MED31: variants seen among roughly 807,000 people sequenced by gnomAD.
MED31 encodes the protein mediator of RNA polymerase II transcription subunit 31.
Under a neutral mutation model 22.0 loss-of-function variants are expected in MED31, and 11 were observed. The observed-to-expected ratio is 0.50, with a 90% CI of 0.31 to 0.83. MED31 has a LOEUF of 0.83. Ranked by LOEUF, MED31 falls within the 40% of genes least tolerant of loss-of-function variation. The probability of loss-of-function intolerance (pLI) is 0.04; values close to 1 mark genes in which losing one functional copy is unlikely to be tolerated. For synonymous variants in MED31, 60 were observed against 55.1 expected, an observed-to-expected ratio of 1.09 and a Z score of -0.40; for missense variants, 122 against 155.3, an observed-to-expected ratio of 0.79 and a Z score of 1.14.
At position 6,651,567 on chromosome 17, in the gene MED31, G is replaced by C; in HGVS notation, c.-39C>G. ...ACCAAAACGCCACCAGCCTGACAGA[G>C]CAAAAGCCCAGAGACGCGGGCGAAG... On this transcript the variant is annotated 5_prime_UTR_variant, in exon 1 of 4. Transcript: ENST00000225728. The C allele has an allele frequency of 6.2e-7, 1 of 1,613,628 alleles. No homozygotes were observed. Among genetic ancestry groups the C allele is most frequent in the African/African-American group, 1.3e-5 (1 of 75,062 alleles).
In MED31 at chr17:6,644,193, T is replaced by TA; in HGVS notation, c.*273dup. On this transcript the variant is annotated 3_prime_UTR_variant, in exon 4 of 4. Coordinates refer to ENST00000225728, the MANE Select transcript of MED31 (RefSeq NM_016060.3). The stretch of plus-strand genomic sequence containing the variant: ...CCATGCCCCAGTGCCTTATTTGGTC[T>TA]AAAGCACCTAACTTTTCCATTCTTA... 1 of 475,666 alleles carries TA rather than the reference T, an allele frequency of 2.1e-6. No individual in the cohort carries two copies. 29.5% of individuals were successfully genotyped at this position (475,666 alleles called of 1,614,324 possible).
At chr17:6,646,901 A>C (rs929996594) in intron 3 of MED31, among the ~76,000 whole-genome samples, 2 of 152,246 alleles carry the variant, frequency 1.3e-5, no homozygotes, top group African/African-American at 4.8e-5. Flanking sequence ...GGAATGTCTT[A>C]GTGTAAAGTC....
intron 3 of MED31, among the ~76,000 whole-genome samples, chr17:6,648,810 T>G (rs1972793731): frequency 6.6e-6 from 1 of 152,244 alleles, no homozygotes; most frequent in Non-Finnish European, 1.5e-5. Flanking sequence ...TCGAATCAGC[T>G]GTCCCTGACA....
chr17:6,647,097 G>A (rs1972776513), intron 3 of MED31, among the ~76,000 whole-genome samples: 1 of 152,160 alleles, frequency 6.6e-6, no homozygotes, highest in Non-Finnish European at 1.5e-5. Context: ...TCATGATACA[G>A]ATTCCTTTGC....
intron 3 of MED31, 22 bp downstream of exon 3, chr17:6,649,959 AG>A (rs771491380): frequency 1.3e-6 from 2 of 1,566,472 alleles, no homozygotes; most frequent in African/African-American, 2.8e-5. Flanking sequence ...ACACATGCTT[AG>A]GATTATAAAA....
In MED31 at chr17:6,649,850, G is replaced by T. The variant is rs185819870; in HGVS notation, c.203+132C>A. The T allele has an allele frequency of 2.9e-4, 249 of 858,554 alleles. No homozygotes were observed. The African/African-American group carries it at 3.6e-3, about 13-fold the overall frequency. 53.2% of individuals were successfully genotyped at this position (858,554 alleles called of 1,614,324 possible). On this transcript the variant is annotated intron_variant, in intron 3 of 3. Transcript: ENST00000225728. The stretch of plus-strand genomic sequence containing the variant: ...GCAGTGTTACAAGTTAGAGATGAGG[G>T]TGTCTTGTATTAAGACGGTGATAAC...
intron 3 of MED31, among the ~76,000 whole-genome samples, chr17:6,648,301 G>A (rs928802989): frequency 2.6e-5 from 4 of 152,218 alleles, no homozygotes; most frequent in Non-Finnish European, 5.9e-5. Flanking sequence ...CTCAACTCAT[G>A]AGAACTCTGG....
chr17:6,651,039 T>G (rs973512131), intron 1 of MED31, among the ~76,000 whole-genome samples: 6 of 141,968 alleles, frequency 4.2e-5, no homozygotes, highest in African/African-American at 1.4e-4. Context: ...GAGAATGGCG[T>G]GAACCCAGGA....
chr17:6,644,019 C>A lies in MED31; in HGVS notation c.*448G>T. On this transcript the variant is annotated 3_prime_UTR_variant, in exon 4 of 4. Transcript: ENST00000225728. ...TTCCTGTCCTATGATTTAAAGAGGT[C>A]AGTGACTCCGCTACTCTCACTACAT... 2.5e-6 allele frequency: 1 copy of A among 399,734 alleles called. No homozygotes were observed. The highest frequency in any genetic ancestry group is 1.3e-4 in the South Asian group (1 of 7,834). The allele number at this position is 399,734 out of a possible 1,614,324, so 24.8% of individuals were successfully genotyped here.
At chr17:6,644,742 G>T (rs1045436908) in intron 3 of MED31, 83 bp from the exon 4 acceptor site, 4 of 1,402,990 alleles carry the variant, frequency 2.9e-6, no homozygotes, top group East Asian at 2.5e-5. Flanking sequence ...TCTTAAAAAC[G>T]ATCTTGTAGC....
At position 6,644,742 on chromosome 17, in the gene MED31, G is replaced by A. The variant is rs1045436908; in HGVS notation, c.204-83C>T. On this transcript the variant is annotated intron_variant, in intron 3 of 3. Transcript: ENST00000225728. ...ATAATTCAGTTATTCTCTTAAAAAC[G>A]ATCTTGTAGCCTACCATTTCTATAA... The A allele has an allele frequency of 2.0e-5, 28 of 1,402,872 alleles. No individual in the cohort carries two copies. The African/African-American group carries it at 3.7e-4, about 18-fold the overall frequency. 86.9% of individuals were successfully genotyped at this position (1,402,872 alleles called of 1,614,324 possible).
Position 6,644,390 on chromosome 17 carries a change from T to G in MED31, c.*77A>C, listed in dbSNP as rs2150947401. The G allele has an allele frequency of 6.9e-7, 1 of 1,448,950 alleles. No homozygotes were observed. Among genetic ancestry groups the G allele is most frequent in the Non-Finnish European group, 9.1e-7 (1 of 1,096,348 alleles). The allele number at this position is 1,448,950 out of a possible 1,614,324, so 89.8% of individuals were successfully genotyped here. On this transcript the variant is annotated 3_prime_UTR_variant, in exon 4 of 4. Coordinates refer to ENST00000225728, the MANE Select transcript of MED31 (RefSeq NM_016060.3). ...ATAATAAAGGTAGATAGGAAGAGTT[T>G]TCATTTTTTTTGTCTTCACTGTACA... is the stretch of plus-strand genomic sequence containing the variant.
chr17:6,647,303 T>C (rs185116922), intron 3 of MED31, among the ~76,000 whole-genome samples: 3 of 152,354 alleles, frequency 2.0e-5, no homozygotes, highest in Admixed American at 1.3e-4. Flanking sequence ...CTTTTCTCAT[T>C]CTTTCATCTC....
intron 3 of MED31, among the ~76,000 whole-genome samples, chr17:6,646,843 C>T (rs1284791074): frequency 9.9e-5 from 15 of 152,172 alleles, no homozygotes; most frequent in Non-Finnish European, 1.8e-4. Flanking sequence ...GGCCTCTTTG[C>T]AGTTGAGATA....
intron 3 of MED31, among the ~76,000 whole-genome samples, chr17:6,647,930 A>G (rs928941679): frequency 1.1e-4 from 16 of 152,284 alleles, no homozygotes; most frequent in Admixed American, 6.5e-5. Context: ...ATGACAATAA[A>G]GAATCATACT....
At chr17:6,650,103 C>T in intron 2 of MED31, 25 bp from the exon 3 acceptor site, 1 of 1,530,344 alleles carries the variant, frequency 6.5e-7, no homozygotes, top group Non-Finnish European at 8.9e-7. Flanking sequence ...AAAAAAAAAT[C>T]TGTAGGTCAA....
chr17:6,650,842 G>A (rs1972823544), intron 1 of MED31, among the ~76,000 whole-genome samples: 1 of 152,188 alleles, frequency 6.6e-6, no homozygotes, highest in East Asian at 1.9e-4. Flanking sequence ...GAAAAACTTA[G>A]GATGCAAGAG....
intron 3 of MED31, among the ~76,000 whole-genome samples, chr17:6,645,637 ATAATTC>A (rs1479982397): frequency 1.3e-5 from 2 of 152,262 alleles, no homozygotes; most frequent in African/African-American, 4.8e-5. Flanking sequence ...AAGAAAATAC[ATAATTC>A]TAATTCATAA....
chr17:6,646,160 CCAG>C (rs1171559228), intron 3 of MED31, among the ~76,000 whole-genome samples: 2 of 152,058 alleles, frequency 1.3e-5, no homozygotes, highest in Non-Finnish European at 2.9e-5. Flanking sequence ...ATACAGCACA[CCAG>C]CAGAACAACT....
Sources: allele counts gnomAD v4.1 joint callset (sites outside exome capture counted in the v4.1 genomes callset), GRCh38; gene constraint gnomAD v4.1.1; transcripts MANE v1.5; gene names NCBI Gene and HGNC (gene_info 2026-07-23, HGNC 2026-07-21).